MTSS1: variants seen among roughly 807,000 people sequenced by gnomAD.
MTSS1 encodes protein MTSS 1.
Under a neutral mutation model 79.0 loss-of-function variants are expected in MTSS1, and 18 were observed. The ratio of observed to expected loss-of-function variants is 0.23; its 90% CI spans 0.16 to 0.34. MTSS1 has a LOEUF of 0.34. Among genes scored for constraint, MTSS1 ranks in the 10% least tolerant of loss-of-function variants. MTSS1 has a pLI of 1.00. For missense variants in MTSS1, 815 were observed against 986.2 expected, an observed-to-expected ratio of 0.83 and a Z score of 2.33; for synonymous variants, 341 against 368.6, an observed-to-expected ratio of 0.93 and a Z score of 0.86.
At chr8:124,637,042 T>C (rs1419964222) in intron 3 of MTSS1, among the ~76,000 whole-genome samples, 1 of 152,180 alleles carries the variant, frequency 6.6e-6, no homozygotes, top group Admixed American at 6.5e-5. Context: ...GCCCTATATC[T>C]TACATGTTCC....
chr8:124,721,069 A>C (rs1832838750), intron 1 of MTSS1, among the ~76,000 whole-genome samples: 1 of 152,202 alleles, frequency 6.6e-6, no homozygotes, highest in African/African-American at 2.4e-5. Context: ...AGAAGGTAGA[A>C]GATAGAAAGC....
chr8:124,608,939 C>G (rs960226180), intron 3 of MTSS1, among the ~76,000 whole-genome samples: 2 of 152,178 alleles, frequency 1.3e-5, no homozygotes, highest in Non-Finnish European at 1.5e-5. Context: ...ACAAGGATCA[C>G]CAGGAAATTG....
rs545096311 is a variant in MTSS1 at position 124,727,614 on chromosome 8, A to G, written c.72+270T>C. ...AGCCAGTGCCTTGAGCCCCCGAGGG[A>G]AAGAAATGGTGCCGCCCCCTGGGAC... On this transcript the variant is annotated intron_variant, in intron 1 of 13. Coordinates refer to ENST00000518547, the MANE Select transcript of MTSS1 (RefSeq NM_014751.6). The surrounding 1 kb of genome is among the most constrained non-coding windows in gnomAD (Gnocchi z 4.7). 1.3e-5 allele frequency: 8 copies of G among 617,446 alleles called. No homozygotes were observed. Among genetic ancestry groups the G allele is most frequent in the South Asian group, 1.1e-4 (7 of 66,014 alleles). The allele number at this position is 617,446 out of a possible 1,614,324, so 38.2% of individuals were successfully genotyped here.
intron 6 of MTSS1, among the ~76,000 whole-genome samples, chr8:124,574,167 A>G (rs1563779037): frequency 6.6e-6 from 1 of 151,876 alleles, no homozygotes; most frequent in Admixed American, 6.6e-5. Context: ...CTGGTCTCGA[A>G]CTCCTGACCT....
intron 3 of MTSS1, among the ~76,000 whole-genome samples, chr8:124,634,188 C>A (rs1202368427): frequency 3.3e-5 from 5 of 151,636 alleles, no homozygotes; most frequent in Non-Finnish European, 7.4e-5. Context: ...GCTGTCACTG[C>A]AGCCACAACC....
rs1211173653 is a variant in MTSS1, at chr8:124,555,352, TCTC to T, written c.1567+387_1567+389del. On this transcript the variant is annotated intron_variant, in intron 13 of 13. Coordinates refer to ENST00000518547, the MANE Select transcript of MTSS1 (RefSeq NM_014751.6). Reference sequence around the variant, plus strand: ...GCTCTGCCTCCTGGGTTCACGCCATTCTCCTGCCTCAGCCTCCTGAGTAGCTGG... The same window carrying T: ...GCTCTGCCTCCTGGGTTCACGCCATTCTGCCTCAGCCTCCTGAGTAGCTGG... Among the ~76,000 whole-genome samples, 7 of 152,030 alleles carry T rather than the reference TCTC, an allele frequency of 4.6e-5. No homozygotes were observed. The South Asian group carries it at 1.2e-3, about 27-fold the overall frequency.
At chr8:124,623,185 G>C (rs977843318) in intron 3 of MTSS1, among the ~76,000 whole-genome samples, 30 of 152,186 alleles carry the variant, frequency 2.0e-4, no homozygotes, top group African/African-American at 7.2e-4. Context: ...ACTGAAAATT[G>C]TTTAACTTCA....
At position 124,697,347 on chromosome 8, in the gene MTSS1, G is replaced by A. The variant is rs548509527; in HGVS notation, c.208+2179C>T. Among the ~76,000 whole-genome samples the A allele has an allele frequency of 9.2e-5, 14 of 152,018 alleles. No homozygotes were observed. The East Asian group carries it at 2.5e-3, about 27-fold the overall frequency. Reference sequence around the variant, plus strand: ...GGCTGAGGCGGGCAGATCACCTGAGGTAAGGAGTTGGAGACTAGCCTGGCT... The same window carrying A: ...GGCTGAGGCGGGCAGATCACCTGAGATAAGGAGTTGGAGACTAGCCTGGCT... On this transcript the variant is annotated intron_variant, in intron 3 of 13. Coordinates refer to ENST00000518547, the MANE Select transcript of MTSS1 (RefSeq NM_014751.6).
chr8:124,552,782 T>G lies in MTSS1; in HGVS notation c.*210A>C. 1 of 483,618 alleles carries G rather than the reference T, an allele frequency of 2.1e-6. No individual in the cohort carries two copies. The highest frequency in any genetic ancestry group is 3.6e-6 in the Non-Finnish European group (1 of 278,454). 30.0% of individuals were successfully genotyped at this position (483,618 alleles called of 1,614,324 possible). On this transcript the variant is annotated 3_prime_UTR_variant, in exon 14 of 14. Transcript: ENST00000518547. ...AAGATTAAAATGTGCAGAAAGAAAATTGTCAATATTTACAAATTAAAAGAT... is the reference window on the plus strand; with the variant it reads ...AAGATTAAAATGTGCAGAAAGAAAAGTGTCAATATTTACAAATTAAAAGAT...
rs773875642 is a variant in MTSS1 at position 124,597,434 on chromosome 8, A to G, written c.209-6199T>C. On this transcript the variant is annotated intron_variant, in intron 3 of 13. Transcript: ENST00000518547. The surrounding 1 kb of genome is among the most constrained non-coding windows in gnomAD (Gnocchi z 4.6). ...ACAGAATACAAATTGTTTAATGCAT[A>G]TTTGGGGGGGTAGGGAGGAAATAAG... Among the ~76,000 whole-genome samples the G allele has an allele frequency of 1.3e-5, 2 of 152,192 alleles. No homozygotes were observed. The highest frequency in any genetic ancestry group is 2.9e-5 in the Non-Finnish European group (2 of 68,028).
At chr8:124,602,437 T>C (rs1834102221) in intron 3 of MTSS1, among the ~76,000 whole-genome samples, 1 of 151,938 alleles carries the variant, frequency 6.6e-6, no homozygotes, top group African/African-American at 2.4e-5. Flanking sequence ...TGGCCTCAAG[T>C]GATTCCCCCA....
intron 11 of MTSS1, among the ~76,000 whole-genome samples, chr8:124,556,828 C>T (rs1325709625): frequency 6.6e-6 from 1 of 152,252 alleles, no homozygotes. Flanking sequence ...GCAACATCAG[C>T]CCTTCTCCCT....
At position 124,707,320 on chromosome 8, in the gene MTSS1, G is replaced by C. The variant is rs1237860338; in HGVS notation, c.73-3129C>G. On this transcript the variant is annotated intron_variant, in intron 1 of 13. Coordinates refer to ENST00000518547, the MANE Select transcript of MTSS1 (RefSeq NM_014751.6). ...CTAGCACTTTGGGAAGCTGAGGCAGGAGGATCACTTGAGCCCAGGAGTTCA... is the reference window on the plus strand; with the variant it reads ...CTAGCACTTTGGGAAGCTGAGGCAGCAGGATCACTTGAGCCCAGGAGTTCA... 2.8e-4 allele frequency among the ~76,000 whole-genome samples: 41 copies of C among 145,808 alleles called. No homozygotes were observed. The Admixed American group carries it at 2.9e-3, about 10-fold the overall frequency.
chr8:124,569,770 C>G (rs1827336535), intron 6 of MTSS1, among the ~76,000 whole-genome samples: 2 of 152,180 alleles, frequency 1.3e-5, no homozygotes, highest in African/African-American at 4.8e-5. Context: ...AAGGGGTTAT[C>G]CAATTGGGCC....
intron 5 of MTSS1, 126 bp from the exon 6 acceptor site, chr8:124,585,287 A>C: frequency 1.4e-6 from 1 of 699,090 alleles, no homozygotes; most frequent in South Asian, 1.7e-5. Context: ...TGGCTTTATC[A>C]GAATACAATA....
chr8:124,602,009 C>T (rs1476545658), intron 3 of MTSS1, among the ~76,000 whole-genome samples: 1 of 151,712 alleles, frequency 6.6e-6, no homozygotes, highest in Non-Finnish European at 1.5e-5. Context: ...TGGAAAAGTT[C>T]AATCATGATG....
chr8:124,573,745 C>T (rs551353297), intron 6 of MTSS1, among the ~76,000 whole-genome samples: 4 of 152,332 alleles, frequency 2.6e-5, no homozygotes, highest in South Asian at 4.1e-4. Flanking sequence ...AATTCTTGAG[C>T]AAAGAATTGC....
At chr8:124,716,730 C>CA (rs1832052795) in intron 1 of MTSS1, among the ~76,000 whole-genome samples, 1 of 152,142 alleles carries the variant, frequency 6.6e-6, no homozygotes, top group Non-Finnish European at 1.5e-5. Context: ...TAAGATGCCA[C>CA]ATGTCCCTTT....
At chr8:124,688,611 T>C (rs1476098907) in intron 3 of MTSS1, among the ~76,000 whole-genome samples, 1 of 152,204 alleles carries the variant, frequency 6.6e-6, no homozygotes, top group Non-Finnish European at 1.5e-5. Flanking sequence ...AGCAGAGAGC[T>C]GCTTTGGAAA....
Sources: gnomAD v4.1 joint callset for allele counts (sites outside exome capture counted in the v4.1 genomes callset) on GRCh38, gnomAD v4.1.1 for gene constraint, Gnocchi (gnomAD v3.1) non-coding constraint, MANE v1.5 for transcripts, NCBI Gene and HGNC (gene_info 2026-07-23, HGNC 2026-07-21) for gene names.